The following ITPR1 variants were observed in gnomAD, a reference collection of about 807,000 sequenced individuals.
The protein encoded by ITPR1 is inositol 1,4,5-trisphosphate-gated calcium channel ITPR1.
Under a neutral mutation model 318.4 loss-of-function variants are expected in ITPR1, and 96 were observed. The ratio of observed to expected loss-of-function variants is 0.30; its 90% confidence interval spans 0.26 to 0.36. ITPR1 has a LOEUF of 0.36. ITPR1 is among the 10% of genes least tolerant of loss of function. ITPR1 has a pLI of 1.00. For missense variants in ITPR1, 2,440 were observed against 3,460.2 expected, an observed-to-expected ratio of 0.71 and a Z score of 7.40; for synonymous variants, 1,312 against 1,289.9, an observed-to-expected ratio of 1.02 and a Z score of -0.37.
chr3:4,730,226 A>G (rs936140958), intron 42 of ITPR1, among the ~76,000 whole-genome samples: 3 of 147,692 alleles, frequency 2.0e-5, no homozygotes, highest in African/African-American at 7.5e-5. Flanking sequence ...TAAAAAAAAA[A>G]AAAACAAAAA....
chr3:4,811,327 T>C lies in ITPR1; in HGVS notation c.7335T>C (p.Asn2445=). ...LLNVIKSVTR[N]GRSIILTAVL... The stretch of plus-strand genomic sequence containing the variant: ...ATGTCATTAAAAGTGTCACTCGCAA[T>C]GGACGGTCCATCATCCTGACAGCAG... The change falls in exon 56 of 62, where the codon AAT becomes AAC. Residue 2445 remains asparagine (N), a synonymous_variant. Coordinates refer to ENST00000649015, the MANE Select transcript of ITPR1 (RefSeq NM_001378452.1). The C allele has an allele frequency of 6.2e-7, 1 of 1,613,444 alleles. No homozygotes were observed. Among genetic ancestry groups the C allele is most frequent in the Non-Finnish European group, 8.5e-7 (1 of 1,179,606 alleles).
At chr3:4,526,858 T>G (rs2083021810) in intron 4 of ITPR1, among the ~76,000 whole-genome samples, 2 of 152,224 alleles carry the variant, frequency 1.3e-5, no homozygotes, top group South Asian at 4.1e-4. Flanking sequence ...CAAAGAAGTC[T>G]ACATCAATAT....
chr3:4,686,420 G>A (rs2633761), intron 30 of ITPR1, among the ~76,000 whole-genome samples: 53,646 of 152,054 alleles, frequency 0.35, 11,701 homozygotes, highest in Non-Finnish European at 0.5. Flanking sequence ...TCCAAACTTT[G>A]CCTGTCATTT....
At chr3:4,790,997 G>C (rs557525463) in intron 52 of ITPR1, among the ~76,000 whole-genome samples, 2 of 152,198 alleles carry the variant, frequency 1.3e-5, no homozygotes. Context: ...AGGAAATCGA[G>C]GCAGAGTTGA....
intron 60 of ITPR1, chr3:4,831,531 G>A (rs889601747): frequency 6.4e-6 from 1 of 156,850 alleles, no homozygotes; most frequent in African/African-American, 2.4e-5. Context: ...GATGCTCAGT[G>A]ACCCCGTAAT....
At position 4,699,844 on chromosome 3, in the gene ITPR1, C is replaced by A; in HGVS notation, c.4439C>A (p.Ala1480Glu). Reference protein sequence around the residue: ...ACNNTSDRKHADSILEKYVTE... With the variant: ...ACNNTSDRKHEDSILEKYVTE... The stretch of plus-strand genomic sequence containing the variant: ...AACAACACTAGTGACAGGAAACATG[C>A]AGACTCGATTTTGGAGAAGTATGTC... The change falls in exon 35 of 62, where the codon GCA becomes GAA. Residue 1480 changes from alanine to glutamate, a missense_variant. By Grantham distance (107) the Ala-to-Glu change is moderately radical. Coordinates refer to ENST00000649015, the MANE Select transcript of ITPR1 (RefSeq NM_001378452.1). 6.2e-7 allele frequency: 1 copy of A among 1,613,820 alleles called. No homozygotes were observed. The highest frequency in any genetic ancestry group is 8.5e-7 in the Non-Finnish European group (1 of 1,179,748).
rs534609980 is a variant in ITPR1 at position 4,543,580 on chromosome 3, C to G, written c.163+22486C>G. Among the ~76,000 whole-genome samples, 92 of 152,300 alleles carry G rather than the reference C, an allele frequency of 6.0e-4. 1 individual carries two copies. Among genetic ancestry groups the G allele is most frequent in the African/African-American group, 1.9e-3 (78 of 41,578 alleles). ...GCCTCAGCCTCCTGAGTAGCTGGGG[C>G]TATAGGCACGTGCCACCACGCCTGG... On this transcript the variant is annotated intron_variant, in intron 4 of 61. Transcript: ENST00000649015.
intron 33 of ITPR1, among the ~76,000 whole-genome samples, chr3:4,696,279 C>T (rs894826364): frequency 1.3e-5 from 2 of 152,182 alleles, no homozygotes; most frequent in Non-Finnish European, 2.9e-5. Flanking sequence ...CCATTTCCTG[C>T]CAACCCCCCT....
chr3:4,514,219 G>T (rs2082030833), intron 2 of ITPR1, among the ~76,000 whole-genome samples: 1 of 152,134 alleles, frequency 6.6e-6, no homozygotes, highest in Non-Finnish European at 1.5e-5. Flanking sequence ...TGGCAATAAT[G>T]GTAGTTCCTA....
At chr3:4,587,058 G>T (rs116444319) in intron 4 of ITPR1, among the ~76,000 whole-genome samples, 2,080 of 152,108 alleles carry the variant, frequency 0.014, 48 homozygotes, top group African/African-American at 0.047. Flanking sequence ...ATAAGACTCG[G>T]GAATAAATAT....
intron 38 of ITPR1, among the ~76,000 whole-genome samples, chr3:4,711,210 CAA>C (rs1169754547): frequency 6.9e-5 from 4 of 57,912 alleles, no homozygotes; most frequent in Admixed American, 2.2e-4. Flanking sequence ...GACCTTGTCT[CAA>C]AAAAAAAAAA....
At chr3:4,709,497 A>C (rs2094826968) in intron 37 of ITPR1, among the ~76,000 whole-genome samples, 1 of 152,200 alleles carries the variant, frequency 6.6e-6, no homozygotes, top group Non-Finnish European at 1.5e-5. Context: ...TTCCTGTATT[A>C]TCCAACGTGC....
intron 4 of ITPR1, among the ~76,000 whole-genome samples, chr3:4,560,904 A>G (rs1373966461): frequency 2.6e-5 from 4 of 152,202 alleles, no homozygotes; most frequent in African/African-American, 9.7e-5. Context: ...GAATTTTGCT[A>G]AAAGATAGGT....
In ITPR1 at chr3:4,733,096, G is replaced by A. The variant is rs768828077; in HGVS notation, c.5229G>A (p.Ala1743=). 29 of 1,612,854 alleles carry A rather than the reference G, an allele frequency of 1.8e-5. No individual in the cohort carries two copies. The highest frequency in any genetic ancestry group is 1.1e-4 in the East Asian group (5 of 44,868). ...ATCCTGTTTGAATTAAGGGTGAGGC[G>A]CTCAGGCAAGTTCTGGTCAACCGTT... ...RQLEDHKRGE[A]LRQVLVNRYY... is the part of the protein sequence containing the mutation. Residue 1743 remains alanine, a synonymous_variant, in exon 43 of 62, where the codon GCG becomes GCA. Coordinates refer to ENST00000649015, the MANE Select transcript of ITPR1 (RefSeq NM_001378452.1).
At chr3:4,529,036 G>A (rs1213984114) in intron 4 of ITPR1, among the ~76,000 whole-genome samples, 2 of 152,152 alleles carry the variant, frequency 1.3e-5, no homozygotes, top group Non-Finnish European at 2.9e-5. Flanking sequence ...ACACACTGCA[G>A]CGTATCCCTC....
At chr3:4,659,089 A>G (rs1330373332) in intron 13 of ITPR1, among the ~76,000 whole-genome samples, 1 of 152,186 alleles carries the variant, frequency 6.6e-6, no homozygotes, top group Non-Finnish European at 1.5e-5. Flanking sequence ...TAAGACACAT[A>G]GGGTTATTTG....
intron 45 of ITPR1, chr3:4,768,180 A>G (rs2045940512): frequency 4.2e-6 from 1 of 236,072 alleles, no homozygotes; most frequent in South Asian, 1.6e-4. Context: ...TTGAGATGTT[A>G]TTCACGGATG....
At chr3:4,514,906 C>T (rs2082075872) in intron 2 of ITPR1, among the ~76,000 whole-genome samples, 1 of 152,080 alleles carries the variant, frequency 6.6e-6, no homozygotes, top group Admixed American at 6.6e-5. Context: ...TATGTAGTTA[C>T]GAAGAATTAA....
chr3:4,719,026 TA>T (rs1486227684), intron 40 of ITPR1, among the ~76,000 whole-genome samples: 1 of 152,228 alleles, frequency 6.6e-6, no homozygotes, highest in Non-Finnish European at 1.5e-5. Flanking sequence ...TCTGTGGTGT[TA>T]TTAATACACT....
Sources: gnomAD v4.1 joint callset for allele counts (sites outside exome capture counted in the v4.1 genomes callset) on GRCh38, gnomAD v4.1.1 for gene constraint, MANE v1.5 for transcripts, NCBI Gene and HGNC (gene_info 2026-07-23, HGNC 2026-07-21) for gene names.